The following EIF2AK4 variants were observed in gnomAD, a reference collection of about 807,000 sequenced individuals.
The protein encoded by EIF2AK4 is eIF-2-alpha kinase GCN2.
Under a neutral mutation model 211.1 loss-of-function variants are expected in EIF2AK4, and 139 were observed. The observed-to-expected ratio is 0.66, with a 90% CI of 0.57 to 0.76. The LOEUF (loss-of-function observed/expected upper bound fraction) is 0.76, where lower values mean the gene tolerates loss of function less well. Among genes scored for constraint, EIF2AK4 ranks in the 30% least tolerant of loss-of-function variants. The probability of loss-of-function intolerance (pLI) is 0.00; values close to 1 mark genes in which losing one functional copy is unlikely to be tolerated. For synonymous variants in EIF2AK4, 710 were observed against 751.3 expected (o/e 0.94, Z 0.90); for missense variants, 1,664 against 2,043.8 (o/e 0.81, Z 3.58).
At position 39,976,690 on chromosome 15, in the gene EIF2AK4, G is replaced by T. The variant is rs750068836; in HGVS notation, c.2095G>T (p.Ala699Ser). Reference protein sequence around the residue: ...DTDGLDSVEAAAPPPILSSSV... With the variant: ...DTDGLDSVEASAPPPILSSSV... ...AGACGGCCTGGACAGCGTAGAGGCC[G>T]CCGCGCCGCCACCCATCCTCAGCAG... The change falls in exon 12 of 39, where the codon GCC becomes TCC. Residue 699 changes from alanine to serine, a missense_variant. By Grantham distance (99) the Ala-to-Ser change is moderately conservative. Transcript: ENST00000263791. The T allele has an allele frequency of 3.7e-6, 6 of 1,600,722 alleles. No individual in the cohort carries two copies. In the South Asian group the frequency reaches 6.7e-5, roughly 18 times the overall value.
intron 33 of EIF2AK4, 172 bp from the exon 34 acceptor site, chr15:40,029,234 C>T: frequency 1.1e-6 from 1 of 887,778 alleles, no homozygotes; most frequent in Non-Finnish European, 1.3e-6. Context: ...TTGCTCTTGA[C>T]CAAAGCATAA....
intron 7 of EIF2AK4, among the ~76,000 whole-genome samples, chr15:39,963,664 A>G (rs1489552965): frequency 1.3e-5 from 2 of 152,216 alleles, no homozygotes; most frequent in African/African-American, 4.8e-5. Context: ...TGACTATAGC[A>G]CTATAGAGAC....
At chr15:39,943,168 C>T (rs1043359199) in intron 2 of EIF2AK4, among the ~76,000 whole-genome samples, 5 of 152,116 alleles carry the variant, frequency 3.3e-5, no homozygotes, top group Middle Eastern at 3.2e-3. Context: ...CCCAGTAAGT[C>T]TAACAGCCCA....
chr15:40,033,976 C>T (rs925704728), intron 37 of EIF2AK4, among the ~76,000 whole-genome samples: 3 of 148,268 alleles, frequency 2.0e-5, no homozygotes, highest in Admixed American at 6.8e-5. Flanking sequence ...TGCAGTGAGC[C>T]GAGATTGTGC....
chr15:39,936,757 C>G (rs1446918423), intron 1 of EIF2AK4, among the ~76,000 whole-genome samples: 2 of 152,184 alleles, frequency 1.3e-5, no homozygotes, highest in Admixed American at 6.5e-5. Flanking sequence ...TTCAGAAGTG[C>G]TTCTGTTCAC....
At chr15:39,985,678 C>T (rs2034854694) in intron 13 of EIF2AK4, 127 bp from the exon 14 acceptor site, 1 of 727,124 alleles carries the variant, frequency 1.4e-6, no homozygotes, top group East Asian at 2.7e-5. Context: ...ATGTTCTGCT[C>T]ACTGACTTCT....
At chr15:39,991,644 A>G (rs1246289957) in intron 16 of EIF2AK4, 2 of 153,226 alleles carry the variant, frequency 1.3e-5, no homozygotes, top group African/African-American at 4.8e-5. Context: ...AGCACCTATT[A>G]CAAGTGCAGA....
chr15:40,026,108 G>A lies in EIF2AK4; in HGVS notation c.4502+19G>A. On this transcript the variant is annotated intron_variant, in intron 33 of 38. Transcript: ENST00000263791. ...ATGGCAGGTAACTTAGGAAACAAAA[G>A]CCGAGAAAAGTGACTTCAGTTACCT... 1 of 1,605,248 alleles carries A rather than the reference G, an allele frequency of 6.2e-7. No individual in the cohort carries two copies. The highest frequency in any genetic ancestry group is 8.5e-7 in the Non-Finnish European group (1 of 1,172,892).
intron 7 of EIF2AK4, among the ~76,000 whole-genome samples, chr15:39,963,569 A>G (rs1449993539): frequency 2.6e-5 from 4 of 152,072 alleles, no homozygotes; most frequent in Non-Finnish European, 5.9e-5. Context: ...TTTATTTTCA[A>G]TGAAGTATTT....
At chr15:39,987,383 C>G (rs967081456) in intron 14 of EIF2AK4, among the ~76,000 whole-genome samples, 26 of 152,190 alleles carry the variant, frequency 1.7e-4, no homozygotes, top group African/African-American at 6.0e-4. Context: ...AATCTCAACT[C>G]TGGCACTAGT....
At chr15:40,001,298 TC>T (rs2035087802) in intron 21 of EIF2AK4, 74 bp downstream of exon 21, 5 of 1,435,776 alleles carry the variant, frequency 3.5e-6, no homozygotes, top group Non-Finnish European at 4.8e-6. Flanking sequence ...TCTCACAGAT[TC>T]TTTTAATGCC....
chr15:39,974,865 C>T (rs1014896065), intron 11 of EIF2AK4: 10 of 152,202 alleles, frequency 6.6e-5, no homozygotes, highest in Admixed American at 4.6e-4. Flanking sequence ...GCAGCCTGCC[C>T]AGTGATCTGG....
intron 5 of EIF2AK4, among the ~76,000 whole-genome samples, chr15:39,955,251 G>A (rs2140905927): frequency 6.6e-6 from 1 of 152,050 alleles, no homozygotes; most frequent in South Asian, 2.1e-4. Context: ...ACCATAACCT[G>A]GACTTCAGTT....
At chr15:39,957,956 AG>A (rs2034414506) in intron 6 of EIF2AK4, among the ~76,000 whole-genome samples, 1 of 152,262 alleles carries the variant, frequency 6.6e-6, no homozygotes, top group Non-Finnish European at 1.5e-5. Context: ...AAGAACGTAA[AG>A]GCCTGATACT....
At chr15:40,029,989 A>C (rs1282617321) in intron 34 of EIF2AK4, among the ~76,000 whole-genome samples, 1 of 152,166 alleles carries the variant, frequency 6.6e-6, no homozygotes, top group Non-Finnish European at 1.5e-5. Context: ...TTCTGTTAGC[A>C]CTAACTTTGT....
Position 40,034,433 on chromosome 15 carries a change from AG to A in EIF2AK4, c.4882del (p.Val1628Ter). ...LVCDEIYNIK[V>X]EKKVSVLFLY... ...TCTGTGATGAAATTTATAACATCAA[AG>A]TAGAAAAAAAGTAAGTTATCACTTG... On this transcript the variant is annotated frameshift_variant, in exon 38 of 39. Coordinates refer to ENST00000263791, the MANE Select transcript of EIF2AK4 (RefSeq NM_001013703.4). LOFTEE classifies it high-confidence loss of function. 1 of 1,613,802 alleles carries A rather than the reference AG, an allele frequency of 6.2e-7. No homozygotes were observed. The highest frequency in any genetic ancestry group is 8.5e-7 in the Non-Finnish European group (1 of 1,179,750).
chr15:40,016,743 T>C, intron 28 of EIF2AK4, 71 bp downstream of exon 28: 1 of 1,521,928 alleles, frequency 6.6e-7, no homozygotes, highest in Non-Finnish European at 8.9e-7. Flanking sequence ...GAAATGTGTT[T>C]CATTTCACTA....
chr15:39,988,542 C>T (rs1473735564), intron 15 of EIF2AK4, among the ~76,000 whole-genome samples: 2 of 152,192 alleles, frequency 1.3e-5, no homozygotes, highest in African/African-American at 4.8e-5. Flanking sequence ...TTACATATTG[C>T]CTATGGCTGT....
chr15:39,972,770 G>A (rs1258752390), intron 9 of EIF2AK4, 138 bp from the exon 10 acceptor site: 1 of 643,072 alleles, frequency 1.6e-6, no homozygotes. Flanking sequence ...TCACCTATGA[G>A]AGTACATTCT....
Sources: allele counts gnomAD v4.1 joint callset (sites outside exome capture counted in the v4.1 genomes callset), GRCh38; gene constraint gnomAD v4.1.1; transcripts MANE v1.5; gene names NCBI Gene and HGNC (gene_info 2026-07-23, HGNC 2026-07-21).